WDR25: variants seen among roughly 807,000 people sequenced by gnomAD.
WDR25 encodes the protein WD repeat-containing protein 25.
Under a neutral mutation model 47.7 loss-of-function variants are expected in WDR25, and 35 were observed. That is an observed-to-expected ratio of 0.73 (90% CI 0.56 to 0.97). WDR25 has a LOEUF of 0.97. WDR25 is among the 50% of genes least tolerant of loss of function. WDR25 has a pLI of 0.00. For missense variants in WDR25, 634 were observed against 704.7 expected, an observed-to-expected ratio of 0.90 and a Z score of 1.14; for synonymous variants, 248 against 278.9, an observed-to-expected ratio of 0.89 and a Z score of 1.10.
intron 2 of WDR25, 63 bp from the exon 3 acceptor site, chr14:100,467,958 G>A: frequency 1.9e-6 from 3 of 1,603,640 alleles, no homozygotes; most frequent in South Asian, 1.1e-5. Context: ...CAGTGGGGTC[G>A]AGCTGAGCCC....
At chr14:100,417,948 T>TG (rs1897915966) in intron 2 of WDR25, among the ~76,000 whole-genome samples, 2 of 151,036 alleles carry the variant, frequency 1.3e-5, no homozygotes, top group African/African-American at 4.9e-5. Flanking sequence ...CTTATGTCTT[T>TG]TTTTTTTTTT....
intron 4 of WDR25, among the ~76,000 whole-genome samples, chr14:100,490,108 A>G (rs1900513542): frequency 6.6e-6 from 1 of 152,190 alleles, no homozygotes; most frequent in African/African-American, 2.4e-5. Context: ...TGCAGGTGAC[A>G]GGGGAGTGGG....
At chr14:100,380,116 C>T (rs1896843282) in intron 1 of WDR25, among the ~76,000 whole-genome samples, 1 of 151,134 alleles carries the variant, frequency 6.6e-6, no homozygotes, top group Non-Finnish European at 1.5e-5. Context: ...GGTGCAATCT[C>T]AGGTCATTGC....
intron 2 of WDR25, chr14:100,454,692 T>C (rs1167649369): frequency 2.9e-6 from 1 of 340,290 alleles, no homozygotes; most frequent in Non-Finnish European, 5.8e-6. Flanking sequence ...CCAGACAGGC[T>C]GCTAAAAATT....
intron 2 of WDR25, among the ~76,000 whole-genome samples, chr14:100,445,135 G>A (rs1308086733): frequency 6.6e-6 from 1 of 152,072 alleles, no homozygotes; most frequent in Non-Finnish European, 1.5e-5. Context: ...ACATCTCCCA[G>A]CAACCTCAGA....
intron 1 of WDR25, chr14:100,376,822 G>A (rs1896696498): frequency 1.8e-6 from 2 of 1,098,654 alleles, no homozygotes; most frequent in South Asian, 4.8e-5. Context: ...ACGTAATCAG[G>A]AAATGTTTGT....
intron 4 of WDR25, among the ~76,000 whole-genome samples, chr14:100,517,813 C>T (rs777104173): frequency 6.6e-6 from 1 of 152,226 alleles, no homozygotes; most frequent in Non-Finnish European, 1.5e-5. Flanking sequence ...CACTGCACTG[C>T]AGCCTGGGCA....
chr14:100,450,863 G>C (rs1357318103), intron 2 of WDR25, among the ~76,000 whole-genome samples: 1 of 152,194 alleles, frequency 6.6e-6, no homozygotes, highest in Non-Finnish European at 1.5e-5. Flanking sequence ...GTGGCTTGAG[G>C]AAAGATGTGA....
At chr14:100,505,039 G>C (rs1901065951) in intron 4 of WDR25, among the ~76,000 whole-genome samples, 1 of 152,090 alleles carries the variant, frequency 6.6e-6, no homozygotes, top group African/African-American at 2.4e-5. Context: ...TGAAGGATCT[G>C]TTCAAAGTAT....
At chr14:100,410,903 C>T (rs375279860) in intron 2 of WDR25, among the ~76,000 whole-genome samples, 4 of 151,916 alleles carry the variant, frequency 2.6e-5, no homozygotes, top group East Asian at 3.9e-4. Context: ...CTACCTTAGC[C>T]TCCTGAGTAG....
intron 2 of WDR25, among the ~76,000 whole-genome samples, chr14:100,427,115 C>T (rs1243076218): frequency 6.6e-6 from 1 of 152,182 alleles, no homozygotes; most frequent in Non-Finnish European, 1.5e-5. Context: ...CTCCTCCTCT[C>T]TGCTGCTCTG....
Position 100,440,230 on chromosome 14 carries a change from T to G in WDR25, c.823-27791T>G. The stretch of plus-strand genomic sequence containing the variant: ...TTCCTCTCTTTATGTGTGTCAGTCA[T>G]AGCAGGGGAGTGTTTTCCTCTTGGA... On this transcript the variant is annotated intron_variant, in intron 2 of 6. Coordinates refer to ENST00000402312, the MANE Select transcript of WDR25 (RefSeq NM_001161476.3). The surrounding 1 kb of genome is among the most constrained non-coding windows in gnomAD (Gnocchi z 4.4). Among the ~76,000 whole-genome samples, 1 of 152,248 alleles carries G rather than the reference T, an allele frequency of 6.6e-6. No homozygotes were observed. The highest frequency in any genetic ancestry group is 1.5e-5 in the Non-Finnish European group (1 of 68,034).
chr14:100,413,899 A>C, intron 2 of WDR25, among the ~76,000 whole-genome samples: 1 of 152,210 alleles, frequency 6.6e-6, no homozygotes, highest in East Asian at 1.9e-4. Context: ...TTTATTGCTG[A>C]GTAGTATTCC....
intron 2 of WDR25, among the ~76,000 whole-genome samples, chr14:100,423,055 T>G (rs1898072075): frequency 6.6e-6 from 1 of 152,378 alleles, no homozygotes; most frequent in African/African-American, 2.4e-5. Flanking sequence ...TGTAATGTGA[T>G]AGATTTTCAT....
At chr14:100,400,708 T>C (rs1897357754) in intron 2 of WDR25, among the ~76,000 whole-genome samples, 1 of 152,244 alleles carries the variant, frequency 6.6e-6, no homozygotes, top group African/African-American at 2.4e-5. Flanking sequence ...AAGTGGTCTT[T>C]CTGCACTGGG....
At chr14:100,512,132 G>A (rs1009619503) in intron 4 of WDR25, among the ~76,000 whole-genome samples, 5 of 152,086 alleles carry the variant, frequency 3.3e-5, no homozygotes, top group Non-Finnish European at 7.4e-5. Flanking sequence ...ATTGGGAAAT[G>A]TTCATTTCTC....
At chr14:100,496,076 T>C (rs1199539875) in intron 4 of WDR25, among the ~76,000 whole-genome samples, 1 of 152,250 alleles carries the variant, frequency 6.6e-6, no homozygotes, top group Non-Finnish European at 1.5e-5. Context: ...ACCAACAATG[T>C]GTGAGGGTTC....
intron 1 of WDR25, among the ~76,000 whole-genome samples, chr14:100,379,437 G>C (rs1166188223): frequency 6.9e-6 from 1 of 144,624 alleles, no homozygotes. Context: ...ACTCAGGCTA[G>C]AGTGCAGTGG....
intron 2 of WDR25, among the ~76,000 whole-genome samples, chr14:100,416,011 T>G (rs1897858662): frequency 6.6e-6 from 1 of 152,200 alleles, no homozygotes; most frequent in Non-Finnish European, 1.5e-5. Flanking sequence ...ACCTGAATCT[T>G]TACTGAGCAC....
Sources: gnomAD v4.1 joint callset for allele counts (sites outside exome capture counted in the v4.1 genomes callset) on GRCh38, gnomAD v4.1.1 for gene constraint, Gnocchi (gnomAD v3.1) non-coding constraint, MANE v1.5 for transcripts, NCBI Gene and HGNC (gene_info 2026-07-23, HGNC 2026-07-21) for gene names.